Variants in LMO7 observed in about 807,000 individuals in gnomAD.
LMO7 encodes LIM domain 7, also known as LIM domain only protein 7.
Under a neutral mutation model 206.5 loss-of-function variants are expected in LMO7, and 120 were observed. That is an observed-to-expected ratio of 0.58 (90% CI 0.50 to 0.68). The LOEUF (loss-of-function observed/expected upper bound fraction) is 0.68. Among genes scored for constraint, LMO7 ranks in the 30% least tolerant of loss-of-function variants. The pLI is 0.00. For missense variants in LMO7, 1,959 were observed against 1,957.9 expected (o/e 1.00, Z -0.01); for synonymous variants, 706 against 681.5 (o/e 1.04, Z -0.56).
chr13:75,675,928 C>T (rs573861552), intron 1 of LMO7, among the ~76,000 whole-genome samples: 22 of 152,014 alleles, frequency 1.4e-4, no homozygotes, highest in African/African-American at 3.4e-4. Flanking sequence ...GTCATATACA[C>T]GATGCATCTT....
intron 1 of LMO7, among the ~76,000 whole-genome samples, chr13:75,652,671 G>T (rs1422561636): frequency 6.7e-6 from 1 of 149,960 alleles, no homozygotes; most frequent in Non-Finnish European, 1.5e-5. Context: ...TTATTTTTAG[G>T]TGCACATCAT....
chr13:75,652,906 A>C (rs2037720667), intron 1 of LMO7, among the ~76,000 whole-genome samples: 4 of 152,178 alleles, frequency 2.6e-5, no homozygotes, highest in African/African-American at 9.7e-5. Flanking sequence ...CATGAACATA[A>C]GAAAGATAAA....
intron 4 of LMO7, among the ~76,000 whole-genome samples, chr13:75,784,106 G>A (rs765854538): frequency 2.6e-5 from 4 of 152,110 alleles, no homozygotes; most frequent in Non-Finnish European, 4.4e-5. Context: ...CCAGGGAGTG[G>A]CAGTGGTATC....
intron 4 of LMO7, among the ~76,000 whole-genome samples, chr13:75,780,318 A>G (rs1296496291): frequency 1.3e-5 from 2 of 151,830 alleles, no homozygotes; most frequent in African/African-American, 2.4e-5. Flanking sequence ...TAAGACAGAC[A>G]CTCCCAGAGT....
At chr13:75,779,523 C>T (rs1482465349) in intron 4 of LMO7, among the ~76,000 whole-genome samples, 1 of 152,040 alleles carries the variant, frequency 6.6e-6, no homozygotes, top group Non-Finnish European at 1.5e-5. Flanking sequence ...AATTTGAAAG[C>T]TAGTTATATT....
At chr13:75,646,507 A>AC (rs1296206984) in intron 1 of LMO7, among the ~76,000 whole-genome samples, 2 of 144,356 alleles carry the variant, frequency 1.4e-5, no homozygotes, top group Admixed American at 1.4e-4. Flanking sequence ...TCTCATCTCC[A>AC]CCCCCACTCT....
intron 1 of LMO7, among the ~76,000 whole-genome samples, 188 bp from the exon 2 acceptor site, chr13:75,712,994 A>C (rs2043239832): frequency 6.6e-6 from 1 of 152,234 alleles, no homozygotes; most frequent in Admixed American, 6.5e-5. Flanking sequence ...AAAATGGCTA[A>C]ACTATCTCTT....
intron 1 of LMO7, among the ~76,000 whole-genome samples, chr13:75,693,872 T>G (rs2041691873): frequency 6.6e-6 from 1 of 152,228 alleles, no homozygotes; most frequent in African/African-American, 2.4e-5. Flanking sequence ...CCCATCTTGC[T>G]GTCTCTCATT....
intron 1 of LMO7, among the ~76,000 whole-genome samples, chr13:75,664,256 C>G (rs1160063314): frequency 1.3e-5 from 2 of 151,892 alleles, no homozygotes; most frequent in African/African-American, 2.4e-5. Flanking sequence ...TAAAAATAAA[C>G]TTTTAGCTCC....
At chr13:75,706,888 T>C (rs901125800) in intron 1 of LMO7, among the ~76,000 whole-genome samples, 1 of 152,108 alleles carries the variant, frequency 6.6e-6, no homozygotes, top group Non-Finnish European at 1.5e-5. Flanking sequence ...GTCTGTTTCA[T>C]GTGGGAGGTT....
intron 11 of LMO7, among the ~76,000 whole-genome samples, chr13:75,812,849 G>A (rs1411133684): frequency 1.3e-5 from 2 of 152,212 alleles, no homozygotes; most frequent in African/African-American, 4.8e-5. Flanking sequence ...AGCAGGACTT[G>A]TAAGAGACAT....
Position 75,841,844 on chromosome 13 carries a change from T to C in LMO7, c.3892T>C (p.Trp1298Arg). The C allele has an allele frequency of 6.2e-7, 1 of 1,613,726 alleles. No homozygotes were observed. The highest frequency in any genetic ancestry group is 1.1e-5 in the South Asian group (1 of 91,048). Reference protein sequence around the residue: ...DQLVIERERKWEQQLQEEQEQ... With the variant: ...DQLVIERERKREQQLQEEQEQ... ...GCTTGTTATTGAGAGAGAGAGGAAATGGGAGCAACAGCTTCAGGAAGAGCA... is the reference window on the plus strand; with the variant it reads ...GCTTGTTATTGAGAGAGAGAGGAAACGGGAGCAACAGCTTCAGGAAGAGCA... Residue 1298 changes from tryptophan to arginine, a missense_variant, in exon 24 of 31, where the codon TGG becomes CGG. Transcript: ENST00000377534.
intron 1 of LMO7, among the ~76,000 whole-genome samples, chr13:75,705,759 A>G (rs1481623375): frequency 1.3e-5 from 2 of 151,894 alleles, no homozygotes; most frequent in African/African-American, 4.9e-5. Flanking sequence ...CTGAATTCTC[A>G]ACATAAGAAT....
chr13:75,810,020 C>T (rs1326463980), intron 11 of LMO7, among the ~76,000 whole-genome samples: 4 of 151,830 alleles, frequency 2.6e-5, no homozygotes, highest in Non-Finnish European at 4.4e-5. Flanking sequence ...TTAGTAGAGA[C>T]GGGGTTTCAC....
At chr13:75,760,671 G>C (rs1477893019) in intron 3 of LMO7, 20 of 1,514,332 alleles carry the variant, frequency 1.3e-5, no homozygotes, top group Non-Finnish European at 1.7e-5. Context: ...AACAGGTAAT[G>C]TTTAACGTGC....
intron 25 of LMO7, 64 bp from the exon 26 acceptor site, chr13:75,845,263 C>T: frequency 2.5e-6 from 2 of 785,612 alleles, no homozygotes; most frequent in Non-Finnish European, 2.0e-6. Context: ...GGTGTTTTTA[C>T]TTCATAAATA....
intron 3 of LMO7, among the ~76,000 whole-genome samples, chr13:75,742,871 A>G (rs2046523504): frequency 6.6e-6 from 1 of 152,264 alleles, no homozygotes; most frequent in African/African-American, 2.4e-5. Flanking sequence ...AAATTGACAA[A>G]TGGGATGTAA....
intron 3 of LMO7, among the ~76,000 whole-genome samples, chr13:75,732,226 A>T (rs1008352726): frequency 6.6e-6 from 1 of 152,136 alleles, no homozygotes; most frequent in Non-Finnish European, 1.5e-5. Flanking sequence ...GTGTTTTCCA[A>T]CTTGGTTCCA....
Position 75,804,461 on chromosome 13 carries a change from G to A in LMO7, c.834G>A (p.Lys278=). The A allele has an allele frequency of 1.2e-6, 2 of 1,614,158 alleles. No homozygotes were observed. Residue 278 remains lysine, a synonymous_variant, in exon 8 of 31, where the codon AAG becomes AAA. Transcript: ENST00000377534. ...CCTATGTACCAGCACCTCTGAGAAA[G>A]AAAAAGCCAGACAAACATGAGGATA... ...QPSYVPAPLR[K]KKPDKHEDNR...
Sources: gnomAD v4.1 joint callset for allele counts (sites outside exome capture counted in the v4.1 genomes callset) on GRCh38, gnomAD v4.1.1 for gene constraint, MANE v1.5 for transcripts, NCBI Gene and HGNC (gene_info 2026-07-23, HGNC 2026-07-21) for gene names.